Variants in SDK1 observed in about 807,000 individuals in gnomAD.
The protein encoded by SDK1 is protein sidekick-1.
In SDK1, 157 loss-of-function variants were observed where a neutral mutation model predicts 245.5. That is an observed-to-expected ratio of 0.64 (90% CI 0.56 to 0.73). The LOEUF is 0.73. Ranked by LOEUF, SDK1 falls within the 30% of genes least tolerant of loss-of-function variation. The pLI is 0.00. For missense variants in SDK1, 3,583 were observed against 3,002.3 expected, an observed-to-expected ratio of 1.19 and a Z score of -4.52; for synonymous variants, 1,647 against 1,278.5, an observed-to-expected ratio of 1.29 and a Z score of -6.15.
intron 17 of SDK1, 97 bp from the exon 18 acceptor site, chr7:4,049,251 T>C (rs1789257419): frequency 1.2e-6 from 1 of 841,030 alleles, no homozygotes; most frequent in South Asian, 1.5e-5. Flanking sequence ...TAATTGCCTG[T>C]GAGCATGATG....
In SDK1 at chr7:3,950,910, T is replaced by C; in HGVS notation, c.848-13T>C. On this transcript the variant is annotated splice_polypyrimidine_tract_variant and intron_variant, in intron 5 of 44. Transcript: ENST00000404826. ...TTAGAGTTTCATGGACATTTCTCTT[T>C]TCTCTGCCACAGGAGATGTTGGCAC... The C allele has an allele frequency of 6.2e-7, 1 of 1,606,880 alleles. No individual in the cohort carries two copies. Among genetic ancestry groups the C allele is most frequent in the Non-Finnish European group, 8.5e-7 (1 of 1,173,554 alleles).
intron 4 of SDK1, among the ~76,000 whole-genome samples, chr7:3,686,262 G>T (rs1267040597): frequency 6.6e-6 from 1 of 152,160 alleles, no homozygotes; most frequent in Non-Finnish European, 1.5e-5. Context: ...TTTTAGTAGA[G>T]ACGGGGTTTC....
chr7:3,982,290 G>A (rs1238709972), intron 13 of SDK1, among the ~76,000 whole-genome samples: 1 of 152,146 alleles, frequency 6.6e-6, no homozygotes, highest in Non-Finnish European at 1.5e-5. Flanking sequence ...AAATATTACT[G>A]CTTATGGACA....
intron 1 of SDK1, among the ~76,000 whole-genome samples, chr7:3,406,505 TTCTC>T (rs893723832): frequency 1.3e-5 from 2 of 152,104 alleles, no homozygotes; most frequent in Admixed American, 6.6e-5. Context: ...TGTTTAAATC[TTCTC>T]TCTCTCTCCA....
At chr7:3,482,660 A>C (rs1781554669) in intron 1 of SDK1, among the ~76,000 whole-genome samples, 1 of 152,186 alleles carries the variant, frequency 6.6e-6, no homozygotes, top group Non-Finnish European at 1.5e-5. Context: ...GGTCCAAAAC[A>C]ACCTCCAGCA....
intron 35 of SDK1, among the ~76,000 whole-genome samples, chr7:4,180,451 C>A (rs1188860373): frequency 6.7e-6 from 1 of 149,668 alleles, no homozygotes; most frequent in Non-Finnish European, 1.5e-5. Flanking sequence ...ATGCCCAGCA[C>A]CCGGCTCCAG....
intron 1 of SDK1, among the ~76,000 whole-genome samples, chr7:3,354,367 A>G (rs937426334): frequency 3.3e-5 from 5 of 152,216 alleles, no homozygotes; most frequent in Admixed American, 6.5e-5. Context: ...TTAGAAACCA[A>G]TGTGACTGTT....
chr7:3,461,886 T>C (rs1040115442), intron 1 of SDK1, among the ~76,000 whole-genome samples: 2 of 152,172 alleles, frequency 1.3e-5, no homozygotes, highest in African/African-American at 2.4e-5. Context: ...ACTATCAATT[T>C]ATCTTTTCCC....
chr7:3,422,476 T>C (rs2128581270), intron 1 of SDK1, among the ~76,000 whole-genome samples: 1 of 152,288 alleles, frequency 6.6e-6, no homozygotes, highest in East Asian at 1.9e-4. Context: ...CCAACTTTTC[T>C]TAATACTGGA....
chr7:4,084,304 A>G (rs971825338), intron 22 of SDK1, among the ~76,000 whole-genome samples: 4 of 152,204 alleles, frequency 2.6e-5, no homozygotes, highest in Admixed American at 6.5e-5. Context: ...ATCATCATGA[A>G]AGCATAGGTT....
intron 5 of SDK1, among the ~76,000 whole-genome samples, chr7:3,826,172 G>A (rs765734737): frequency 6.6e-6 from 1 of 152,096 alleles, no homozygotes; most frequent in Non-Finnish European, 1.5e-5. Flanking sequence ...ATGCTTTTCC[G>A]TAAACACACC....
chr7:3,919,638 G>A (rs778727779), intron 5 of SDK1, among the ~76,000 whole-genome samples: 19 of 152,096 alleles, frequency 1.2e-4, no homozygotes, highest in Non-Finnish European at 2.5e-4. Flanking sequence ...ATGGAGCACC[G>A]GCTCTTAGAG....
In SDK1 at chr7:3,964,305, A is replaced by G. The variant is rs137995830; in HGVS notation, c.1429+1454A>G. ...CAGACGGCTGTCACTCCCCGGCCCT[A>G]GTACCCTCCTCTTCTCAGGGTAGCG... On this transcript the variant is annotated intron_variant, in intron 9 of 44. Coordinates refer to ENST00000404826, the MANE Select transcript of SDK1 (RefSeq NM_152744.4). Among the ~76,000 whole-genome samples, 1,517 of 152,306 alleles carry G rather than the reference A, an allele frequency of 1.0e-2. 9 individuals carry two copies. Among genetic ancestry groups the G allele is most frequent in the Non-Finnish European group, 0.016 (1,095 of 68,024 alleles).
At chr7:3,511,178 A>G (rs1444014642) in intron 1 of SDK1, among the ~76,000 whole-genome samples, 1 of 152,216 alleles carries the variant, frequency 6.6e-6, no homozygotes, top group Non-Finnish European at 1.5e-5. Flanking sequence ...TCTGCTCACC[A>G]TAGTCTGTGT....
intron 1 of SDK1, among the ~76,000 whole-genome samples, chr7:3,371,766 T>C (rs774737136): frequency 1.3e-5 from 2 of 152,154 alleles, no homozygotes; most frequent in Non-Finnish European, 2.9e-5. Context: ...GAGGAGTTCC[T>C]GAACAGGAAA....
intron 1 of SDK1, among the ~76,000 whole-genome samples, chr7:3,315,201 A>G (rs1170473341): frequency 6.6e-6 from 1 of 152,218 alleles, no homozygotes; most frequent in Non-Finnish European, 1.5e-5. Context: ...ATTTCTGAAT[A>G]TATTAGGTGA....
intron 1 of SDK1, among the ~76,000 whole-genome samples, chr7:3,531,130 A>G (rs1236880588): frequency 6.6e-6 from 1 of 152,162 alleles, no homozygotes; most frequent in Non-Finnish European, 1.5e-5. Flanking sequence ...AATTTTGGAC[A>G]TGTTCCTGAT....
In SDK1 at chr7:3,933,005, G is replaced by A. The variant is rs539205264; in HGVS notation, c.848-17918G>A. Among the ~76,000 whole-genome samples the A allele has an allele frequency of 4.6e-5, 7 of 152,188 alleles. No individual in the cohort carries two copies. The South Asian group carries it at 1.0e-3, about 23-fold the overall frequency. On this transcript the variant is annotated intron_variant, in intron 5 of 44. Transcript: ENST00000404826. Reference sequence around the variant, plus strand: ...GGCTGAGCCCAGAACCTGCCCTGGGGGCAGCTGGTGCCACCGTGCTGGTAG... The same window carrying A: ...GGCTGAGCCCAGAACCTGCCCTGGGAGCAGCTGGTGCCACCGTGCTGGTAG...
chr7:4,143,949 G>T (rs1038345063), intron 28 of SDK1, among the ~76,000 whole-genome samples: 4 of 152,182 alleles, frequency 2.6e-5, no homozygotes, highest in African/African-American at 7.2e-5. Flanking sequence ...TAGCCGCTGT[G>T]GTCACGCTCT....
Sources: allele counts gnomAD v4.1 joint callset (sites outside exome capture counted in the v4.1 genomes callset), GRCh38; gene constraint gnomAD v4.1.1; transcripts MANE v1.5; gene names NCBI Gene and HGNC (gene_info 2026-07-23, HGNC 2026-07-21).